The following PADI4 variants were observed in gnomAD, a reference collection of about 807,000 sequenced individuals.
The protein encoded by PADI4 is peptidyl arginine deiminase 4, also known as protein-arginine deiminase type-4.
In PADI4, 62 loss-of-function variants were observed where a neutral mutation model predicts 75.0. The observed-to-expected ratio is 0.83, with a 90% confidence interval of 0.67 to 1.02. The LOEUF (loss-of-function observed/expected upper bound fraction) is 1.02. PADI4 is among the 50% of genes least tolerant of loss of function. The pLI is 0.00. For synonymous variants in PADI4, 361 were observed against 348.1 expected (o/e 1.04, Z -0.41); for missense variants, 845 against 850.5 (o/e 0.99, Z 0.08).
In PADI4 at chr1:17,331,038, C is replaced by T. The variant is rs765510547; in HGVS notation, c.162C>T (p.His54=). ...CAGGGGTGGTCGTGGATATTGCCCA[C>T]GGCCCTCCAGCCAAGAAGAAATCCA... ...ASPGVVVDIA[H]GPPAKKKSTG... The change falls in exon 2 of 16, where the codon CAC becomes CAT. Residue 54 remains histidine (H), a synonymous_variant. Transcript: ENST00000375448. The T allele has an allele frequency of 5.0e-6, 8 of 1,609,612 alleles. No homozygotes were observed. The African/African-American group carries it at 5.3e-5, about 11-fold the overall frequency.
chr1:17,338,536 A>G (rs1427556123), intron 5 of PADI4, among the ~76,000 whole-genome samples: 1 of 152,234 alleles, frequency 6.6e-6, no homozygotes. Flanking sequence ...TAGGCCGGGC[A>G]CGACTCTGAC....
At chr1:17,354,489 G>A in intron 10 of PADI4, 44 bp from the exon 11 acceptor site, 8 of 1,596,544 alleles carry the variant, frequency 5.0e-6, no homozygotes, top group South Asian at 1.1e-5. Context: ...CTTCACCAGG[G>A]ACCTCATTCC....
At chr1:17,359,103 C>T (rs1375836959) in intron 14 of PADI4, among the ~76,000 whole-genome samples, 177 bp from the exon 15 acceptor site, 4 of 152,124 alleles carry the variant, frequency 2.6e-5, no homozygotes, top group South Asian at 2.1e-4. Context: ...CAGGGTCCCC[C>T]GAGAGCACTG....
chr1:17,359,267 C>A lies in PADI4; in HGVS notation c.1630-13C>A. On this transcript the variant is annotated splice_polypyrimidine_tract_variant and intron_variant, in intron 14 of 15. Transcript: ENST00000375448. ...ATCAGTCCCCCACTCACTGCCCCTGCCCCTTCCCCAAGAGATGCATCGACT... is the reference window on the plus strand; with the variant it reads ...ATCAGTCCCCCACTCACTGCCCCTGACCCTTCCCCAAGAGATGCATCGACT... 1.9e-6 allele frequency: 3 copies of A among 1,604,814 alleles called. No individual in the cohort carries two copies. Among genetic ancestry groups the A allele is most frequent in the Non-Finnish European group, 2.6e-6 (3 of 1,174,108 alleles).
chr1:17,344,182 G>A (rs1429157249), intron 8 of PADI4, among the ~76,000 whole-genome samples: 1 of 152,204 alleles, frequency 6.6e-6, no homozygotes, highest in Non-Finnish European at 1.5e-5. Flanking sequence ...CAAAGAGACT[G>A]GTGGCATTTT....
In PADI4 at chr1:17,350,589, G is replaced by T. The variant is rs981251847; in HGVS notation, c.1155+2541G>T. On this transcript the variant is annotated intron_variant, in intron 10 of 15. Coordinates refer to ENST00000375448, the MANE Select transcript of PADI4 (RefSeq NM_012387.3). ...AGCGTCCCCCACACAGCCCACTCTTGGGGGGCCACTTCTGCAGACTATGGA... is the reference window on the plus strand; with the variant it reads ...AGCGTCCCCCACACAGCCCACTCTTTGGGGGCCACTTCTGCAGACTATGGA... Among the ~76,000 whole-genome samples, 6 of 130,604 alleles carry T rather than the reference G, an allele frequency of 4.6e-5. 1 individual carries two copies. The highest frequency in any genetic ancestry group is 1.5e-4 in the African/African-American group (6 of 40,184). The allele number at this position is 130,604 out of a possible 152,430, so 85.7% of individuals were successfully genotyped here.
chr1:17,338,111 C>T lies in PADI4; in HGVS notation c.482C>T (p.Ser161Phe). ...LVNCDRDNLE[S>F]SAMDCEDDEV... Reference sequence around the variant, plus strand: ...AACTGTGACAGAGACAATCTCGAATCTTCTGCCATGGACTGCGAGGATGAT... The same window carrying T: ...AACTGTGACAGAGACAATCTCGAATTTTCTGCCATGGACTGCGAGGATGAT... Residue 161 changes from serine (S) to phenylalanine (F), a missense_variant, in exon 5 of 16, where the codon TCT becomes TTT. Transcript: ENST00000375448. The T allele has an allele frequency of 6.2e-7, 1 of 1,613,410 alleles. No homozygotes were observed.
Position 17,363,546 on chromosome 1 carries a change from C to A in PADI4, c.1783C>A (p.His595Asn), listed in dbSNP as rs2074876777. 5 of 1,613,500 alleles carry A rather than the reference C, an allele frequency of 3.1e-6. No individual in the cohort carries two copies. The African/African-American group carries it at 5.3e-5, about 17-fold the overall frequency. ...NMVNMLVLGK[H>N]LGIPKPFGPV... ...GGTGAACATGCTGGTGCTAGGGAAGCACCTGGGCATCCCCAAGCCCTTCGG... is the reference window on the plus strand; with the variant it reads ...GGTGAACATGCTGGTGCTAGGGAAGAACCTGGGCATCCCCAAGCCCTTCGG... The change falls in exon 16 of 16, where the codon CAC becomes AAC. Residue 595 changes from histidine to asparagine, a missense_variant. His to Asn is a moderately conservative substitution (Grantham distance 68). Transcript: ENST00000375448.
Position 17,356,364 on chromosome 1 carries a change from G to T in PADI4, c.1463G>T (p.Arg488Leu), listed in dbSNP as rs755419300. 1.2e-6 allele frequency: 2 copies of T among 1,602,434 alleles called. No homozygotes were observed. The highest frequency in any genetic ancestry group is 1.7e-5 in the Admixed American group (1 of 58,112). ...FVPAPDRKGF[R>L]LLLASPRSCY... ...CAGTGTTTCTGCCTCCAGGGCTTCC[G>T]GCTGCTCCTGGCCAGCCCCAGGTCC... Residue 488 changes from arginine (R) to leucine (L), a missense_variant, in exon 13 of 16, where the codon CGG becomes CTG. Physicochemically the swap from Arg to Leu is moderately radical, Grantham distance 102. Transcript: ENST00000375448. This position sits in a 1 kb window ranked among gnomAD's most constrained non-coding sequence, Gnocchi z 4.1.
Position 17,363,640 on chromosome 1 carries a change from A to G in PADI4, c.1877A>G (p.Gln626Arg), listed in dbSNP as rs763816392. 6.2e-7 allele frequency: 1 copy of G among 1,614,162 alleles called. No homozygotes were observed. Among genetic ancestry groups the G allele is most frequent in the Non-Finnish European group, 8.5e-7 (1 of 1,179,982 alleles). ...TCCCTGCTGGAGCCACTGGGCCTCC[A>G]GTGCACCTTCATCAACGACTTCTTC... ...VCSLLEPLGL[Q>R]CTFINDFFTY... Residue 626 changes from glutamine (Q) to arginine (R), a missense_variant, in exon 16 of 16, where the codon CAG (glutamine) becomes CGG (arginine). Transcript: ENST00000375448.
At chr1:17,354,436 C>A in intron 10 of PADI4, 97 bp from the exon 11 acceptor site, 2 of 1,043,778 alleles carry the variant, frequency 1.9e-6, no homozygotes, top group Non-Finnish European at 3.0e-6. Flanking sequence ...TACTGAGTTA[C>A]TTCCTGTGCC....
At chr1:17,339,943 T>C (rs898966764) in intron 6 of PADI4, 130 bp downstream of exon 6, 36 of 978,222 alleles carry the variant, frequency 3.7e-5, no homozygotes, top group African/African-American at 2.9e-4. Context: ...GACGCAGCAG[T>C]GGGCAAGACA....
chr1:17,329,193 C>G (rs1056361088), intron 1 of PADI4, among the ~76,000 whole-genome samples: 1 of 151,290 alleles, frequency 6.6e-6, no homozygotes, highest in African/African-American at 2.4e-5. Flanking sequence ...TGCTGACCCC[C>G]AATGTAGTTG....
intron 10 of PADI4, chr1:17,348,653 A>G (rs977239475): frequency 2.6e-5 from 4 of 152,300 alleles, no homozygotes; most frequent in African/African-American, 9.6e-5. Context: ...CCAGTGCTGC[A>G]TTCTTTACCT....
At chr1:17,310,356 A>G (rs906174433) in intron 1 of PADI4, among the ~76,000 whole-genome samples, 1 of 152,150 alleles carries the variant, frequency 6.6e-6, no homozygotes, top group Non-Finnish European at 1.5e-5. Context: ...TCTCCGTTCC[A>G]GACCTTCCTG....
At chr1:17,345,265 C>G (rs2074494581) in intron 8 of PADI4, among the ~76,000 whole-genome samples, 1 of 152,180 alleles carries the variant, frequency 6.6e-6, no homozygotes, top group South Asian at 2.1e-4. Context: ...ACACCTGTAC[C>G]CCCATTGTAT....
chr1:17,319,142 A>G (rs983890392), intron 1 of PADI4, among the ~76,000 whole-genome samples: 1 of 152,066 alleles, frequency 6.6e-6, no homozygotes, highest in Non-Finnish European at 1.5e-5. Flanking sequence ...CTACTACCAC[A>G]TGCCCCTTGC....
At chr1:17,358,800 A>G (rs1557584093) in intron 13 of PADI4, 38 bp from the exon 14 acceptor site, 1 of 1,419,866 alleles carries the variant, frequency 7.0e-7, no homozygotes, top group Non-Finnish European at 9.8e-7. Flanking sequence ...ATCGACCTCT[A>G]AGTTCATTTG....
rs771872574 is a variant in PADI4 at position 17,363,645 on chromosome 1, A to T, written c.1882A>T (p.Thr628Ser). 7.4e-6 allele frequency: 12 copies of T among 1,614,016 alleles called. No individual in the cohort carries two copies. Among genetic ancestry groups the T allele is most frequent in the Non-Finnish European group, 9.3e-6 (11 of 1,179,876 alleles). ...SLLEPLGLQC[T>S]FINDFFTYHI... is the part of the protein sequence containing the mutation. ...GCTGGAGCCACTGGGCCTCCAGTGC[A>T]CCTTCATCAACGACTTCTTCACCTA... The change falls in exon 16 of 16, where the codon ACC becomes TCC. Residue 628 changes from threonine (T) to serine (S), a missense_variant. Thr to Ser is a moderately conservative substitution (Grantham distance 58, BLOSUM62 1). Coordinates refer to ENST00000375448, the MANE Select transcript of PADI4 (RefSeq NM_012387.3).
Sources: allele counts gnomAD v4.1 joint callset (sites outside exome capture counted in the v4.1 genomes callset), GRCh38; gene constraint gnomAD v4.1.1; non-coding constraint Gnocchi (gnomAD v3.1); transcripts MANE v1.5; gene names NCBI Gene and HGNC (gene_info 2026-07-23, HGNC 2026-07-21).